The following EYS variants were observed in gnomAD, a reference collection of about 807,000 sequenced individuals.
The protein encoded by EYS is protein eyes shut homolog.
A neutral mutation model predicts 282.1 loss-of-function variants in EYS; 250 were observed. That is an observed-to-expected ratio of 0.89 (90% confidence interval 0.80 to 0.98). EYS has a LOEUF of 0.98. EYS is among the 50% of genes least tolerant of loss of function. The pLI is 0.00. For synonymous variants in EYS, 1,355 were observed against 1,282.9 expected (o/e 1.06, Z -1.20); for missense variants, 4,016 against 3,709.0 (o/e 1.08, Z -2.15).
chr6:64,430,608 T>C (rs1258259721), intron 28 of EYS, among the ~76,000 whole-genome samples: 2 of 152,168 alleles, frequency 1.3e-5, no homozygotes, highest in East Asian at 1.9e-4. Flanking sequence ...ATCCTAAAGG[T>C]AGACAGTTAT....
intron 40 of EYS, 158 bp downstream of exon 40, chr6:63,777,847 CT>C (rs1770102797): frequency 7.3e-6 from 5 of 683,106 alleles, no homozygotes; most frequent in Admixed American, 2.6e-5. Flanking sequence ...TTTTAGTTGC[CT>C]TCACCTGTCC....
chr6:64,198,376 G>C (rs4533973), intron 31 of EYS, among the ~76,000 whole-genome samples: 2,319 of 152,048 alleles, frequency 0.015, 57 homozygotes, highest in African/African-American at 0.053. Context: ...TGTTACATAG[G>C]TATACATGTG....
chr6:63,831,823 ACTC>A (rs1771647189), intron 36 of EYS, among the ~76,000 whole-genome samples: 1 of 152,122 alleles, frequency 6.6e-6, no homozygotes, highest in Non-Finnish European at 1.5e-5. Flanking sequence ...GAAGTAAAGC[ACTC>A]CTCAGCAAAT....
intron 35 of EYS, among the ~76,000 whole-genome samples, chr6:63,882,330 T>C (rs1310318000): frequency 6.6e-6 from 1 of 152,204 alleles, no homozygotes; most frequent in Non-Finnish European, 1.5e-5. Context: ...TTTTCAGGGA[T>C]ACACCATTTG....
At chr6:64,943,069 TAA>T (rs1365596041) in intron 15 of EYS, among the ~76,000 whole-genome samples, 1 of 152,000 alleles carries the variant, frequency 6.6e-6, no homozygotes, top group Non-Finnish European at 1.5e-5. Context: ...CACAAATCAA[TAA>T]ATGTGATTCA....
At chr6:65,139,431 T>G (rs1400320844) in intron 12 of EYS, among the ~76,000 whole-genome samples, 1 of 152,004 alleles carries the variant, frequency 6.6e-6, no homozygotes, top group Non-Finnish European at 1.5e-5. Context: ...AGGAGCCTAT[T>G]TGAGGGTGAA....
At chr6:65,246,716 A>C (rs1767189144) in intron 12 of EYS, among the ~76,000 whole-genome samples, 1 of 152,130 alleles carries the variant, frequency 6.6e-6, no homozygotes, top group South Asian at 2.1e-4. Context: ...AAATACACAC[A>C]CACATGTATG....
At chr6:64,112,692 T>C (rs935670587) in intron 31 of EYS, among the ~76,000 whole-genome samples, 6 of 150,620 alleles carry the variant, frequency 4.0e-5, no homozygotes, top group Non-Finnish European at 7.4e-5. Flanking sequence ...AGTAAATTTT[T>C]ATTTTCTATG....
intron 34 of EYS, among the ~76,000 whole-genome samples, chr6:63,988,926 A>T (rs1767490032): frequency 1.3e-5 from 2 of 151,658 alleles, no homozygotes; most frequent in South Asian, 2.1e-4. Flanking sequence ...AGTAAAATTT[A>T]AAATCCATCA....
At chr6:64,673,051 T>C (rs1278425258) in intron 22 of EYS, among the ~76,000 whole-genome samples, 1 of 152,166 alleles carries the variant, frequency 6.6e-6, no homozygotes, top group Non-Finnish European at 1.5e-5. Flanking sequence ...AAAGCTATAC[T>C]GAGGAATGTA....
intron 22 of EYS, among the ~76,000 whole-genome samples, chr6:64,706,565 G>T (rs900866125): frequency 1.3e-5 from 2 of 151,910 alleles, no homozygotes. Context: ...CTATACATCT[G>T]ACAAAGGACT....
At chr6:65,364,670 C>A (rs1465897281) in intron 8 of EYS, among the ~76,000 whole-genome samples, 2 of 151,462 alleles carry the variant, frequency 1.3e-5, no homozygotes, top group African/African-American at 4.8e-5. Flanking sequence ...GGACAATGTT[C>A]TCTCCTGGGT....
chr6:64,886,419 T>G (rs954704250), intron 19 of EYS, among the ~76,000 whole-genome samples: 15 of 152,020 alleles, frequency 9.9e-5, no homozygotes, highest in African/African-American at 1.4e-4. Flanking sequence ...AATACTTTTT[T>G]GTATATTATA....
intron 12 of EYS, among the ~76,000 whole-genome samples, chr6:65,087,567 A>T (rs1310048565): frequency 6.6e-6 from 1 of 152,094 alleles, no homozygotes; most frequent in Non-Finnish European, 1.5e-5. Flanking sequence ...TGGAAGACTC[A>T]GCTGAGTGGT....
chr6:63,998,305 G>A (rs1332496732), intron 34 of EYS, among the ~76,000 whole-genome samples: 2 of 152,082 alleles, frequency 1.3e-5, no homozygotes, highest in South Asian at 4.2e-4. Context: ...AATACAATGT[G>A]CTTATACAAA....
intron 26 of EYS, among the ~76,000 whole-genome samples, chr6:64,446,811 A>G (rs2150473397): frequency 6.6e-6 from 1 of 152,216 alleles, no homozygotes; most frequent in Admixed American, 6.5e-5. Context: ...AATATAGTAT[A>G]ATCCATGAAT....
chr6:64,757,767 T>TGTGA (rs1554200374), intron 22 of EYS, among the ~76,000 whole-genome samples: 86 of 151,512 alleles, frequency 5.7e-4, no homozygotes, highest in African/African-American at 2.1e-3. Flanking sequence ...TGTGTGTGTG[T>TGTGA]GTGTGTGTGT....
At chr6:64,398,667 C>A (rs951371356) in intron 28 of EYS, among the ~76,000 whole-genome samples, 1 of 151,656 alleles carries the variant, frequency 6.6e-6, no homozygotes, top group Non-Finnish European at 1.5e-5. Flanking sequence ...ATGTATGCAC[C>A]TTTTTTCTTC....
At chr6:63,848,011 T>C (rs1772144318) in intron 36 of EYS, among the ~76,000 whole-genome samples, 1 of 152,204 alleles carries the variant, frequency 6.6e-6, no homozygotes, top group African/African-American at 2.4e-5. Flanking sequence ...ATTTGAAGCA[T>C]TTTTTATTTT....
Sources: allele counts gnomAD v4.1 joint callset (sites outside exome capture counted in the v4.1 genomes callset), GRCh38; gene constraint gnomAD v4.1.1; transcripts MANE v1.5; gene names NCBI Gene and HGNC (gene_info 2026-07-23, HGNC 2026-07-21).